The following NTRK2 variants were observed in gnomAD, a reference collection of about 807,000 sequenced individuals.
NTRK2 encodes the protein neurotrophic receptor tyrosine kinase 2, also known as BDNF/NT-3 growth factors receptor.
In NTRK2, 13 loss-of-function variants were observed where a neutral mutation model predicts 94.5. That is an observed-to-expected ratio of 0.14 (90% CI 0.09 to 0.22). The LOEUF (loss-of-function observed/expected upper bound fraction) is 0.22. Ranked by LOEUF, NTRK2 falls within the 10% of genes least tolerant of loss-of-function variation. The probability of loss-of-function intolerance (pLI) is 1.00; values close to 1 mark genes in which losing one functional copy is unlikely to be tolerated. For missense variants in NTRK2, 639 were observed against 1,071.2 expected, an observed-to-expected ratio of 0.60 and a Z score of 5.63; for synonymous variants, 372 against 407.4, an observed-to-expected ratio of 0.91 and a Z score of 1.05.
chr9:84,765,613 A>G (rs2065954468), intron 12 of NTRK2, among the ~76,000 whole-genome samples: 1 of 152,194 alleles, frequency 6.6e-6, no homozygotes. Flanking sequence ...TGTGAAACTA[A>G]GACTTGTAAG....
At chr9:84,895,811 C>T (rs935442243) in intron 14 of NTRK2, among the ~76,000 whole-genome samples, 6 of 152,162 alleles carry the variant, frequency 3.9e-5, no homozygotes, top group African/African-American at 1.4e-4. Context: ...TTGCTTGCTG[C>T]ATGGAGGGGG....
chr9:84,853,476 A>G (rs1469410366), intron 12 of NTRK2, among the ~76,000 whole-genome samples: 1 of 152,240 alleles, frequency 6.6e-6, no homozygotes, highest in Non-Finnish European at 1.5e-5. Context: ...AGAGCCACAA[A>G]TCAGGAGAGT....
intron 12 of NTRK2, among the ~76,000 whole-genome samples, chr9:84,847,151 T>A (rs1406679597): frequency 6.6e-6 from 1 of 152,232 alleles, no homozygotes; most frequent in Non-Finnish European, 1.5e-5. Flanking sequence ...AAGCCTTTTA[T>A]CCTGTCAAAC....
chr9:84,807,226 G>T (rs957336917), intron 12 of NTRK2, among the ~76,000 whole-genome samples: 1 of 152,200 alleles, frequency 6.6e-6, no homozygotes, highest in African/African-American at 2.4e-5. Flanking sequence ...ATGTGTGCAT[G>T]CTTGAATGTA....
intron 12 of NTRK2, among the ~76,000 whole-genome samples, chr9:84,780,826 T>TA (rs1222466936): frequency 6.6e-6 from 1 of 152,144 alleles, no homozygotes; most frequent in Non-Finnish European, 1.5e-5. Flanking sequence ...TAGGTGGATG[T>TA]TTTTTCCTCT....
chr9:84,853,714 C>T lies in NTRK2; in HGVS notation c.1397-7326C>T, dbSNP rs552348865. The stretch of plus-strand genomic sequence containing the variant: ...AATGCTGTTGGCGTCACCCCCTGCC[C>T]GTGTCCTCTCAGCTCTCACCACCCC... On this transcript the variant is annotated intron_variant, in intron 12 of 18. Transcript: ENST00000277120. Among the ~76,000 whole-genome samples the T allele has an allele frequency of 6.6e-5, 10 of 152,246 alleles. No homozygotes were observed. In the South Asian group the frequency reaches 1.2e-3, roughly 19 times the overall value.
chr9:84,892,273 A>C lies in NTRK2; in HGVS notation c.1633+24842A>C, dbSNP rs146104684. ...CCCAAGCAGTAGGTTCCACATAGGCAAAGTACAGAAAATATGCACTGCCCT... is the reference window on the plus strand; with the variant it reads ...CCCAAGCAGTAGGTTCCACATAGGCCAAGTACAGAAAATATGCACTGCCCT... On this transcript the variant is annotated intron_variant, in intron 14 of 18. Coordinates refer to ENST00000277120, the MANE Select transcript of NTRK2 (RefSeq NM_006180.6). Among the ~76,000 whole-genome samples, 3 of 152,318 alleles carry C rather than the reference A, an allele frequency of 2.0e-5. No individual in the cohort carries two copies. In the East Asian group the frequency reaches 5.8e-4, roughly 29 times the overall value.
At chr9:84,819,422 T>C (rs1279005335) in intron 12 of NTRK2, among the ~76,000 whole-genome samples, 3 of 152,216 alleles carry the variant, frequency 2.0e-5, no homozygotes, top group Non-Finnish European at 4.4e-5. Context: ...GGACACAGCC[T>C]CTGAGGGTGC....
rs180756601 is a variant in NTRK2 at position 85,009,103 on chromosome 9, T to C, written c.2173-11103T>C. Among the ~76,000 whole-genome samples the C allele has an allele frequency of 1.3e-3, 205 of 152,360 alleles. 1 individual carries two copies. Among genetic ancestry groups the C allele is most frequent in the African/African-American group, 4.8e-3 (200 of 41,588 alleles). On this transcript the variant is annotated intron_variant, in intron 17 of 18. Transcript: ENST00000277120. ...GACTTCAAAGCTCATTCACTTCTGC[T>C]TCCAGGCTTCTCCAACAGGAGTCTG...
chr9:85,002,427 G>A (rs1387326621), intron 17 of NTRK2, among the ~76,000 whole-genome samples: 1 of 152,160 alleles, frequency 6.6e-6, no homozygotes, highest in Non-Finnish European at 1.5e-5. Context: ...TCTCTTGGCG[G>A]CATTTTACTT....
At chr9:84,789,200 G>A (rs1243953224) in intron 12 of NTRK2, among the ~76,000 whole-genome samples, 1 of 152,128 alleles carries the variant, frequency 6.6e-6, no homozygotes, top group Non-Finnish European at 1.5e-5. Context: ...AGGCTAACAG[G>A]GACACACAGA....
At chr9:84,721,095 A>T (rs2062030012) in intron 6 of NTRK2, among the ~76,000 whole-genome samples, 1 of 152,182 alleles carries the variant, frequency 6.6e-6, no homozygotes, top group South Asian at 2.1e-4. Flanking sequence ...ATACCATTTT[A>T]AATTTGATGA....
intron 2 of NTRK2, among the ~76,000 whole-genome samples, chr9:84,684,944 C>T (rs1157081090): frequency 6.6e-6 from 1 of 151,864 alleles, no homozygotes; most frequent in East Asian, 1.9e-4. Context: ...TTCTCTTCCT[C>T]CTATTTTGTG....
intron 16 of NTRK2, among the ~76,000 whole-genome samples, chr9:84,954,503 C>A (rs530162736): frequency 1.3e-5 from 2 of 152,200 alleles, no homozygotes; most frequent in African/African-American, 2.4e-5. Context: ...AAAATTTTCC[C>A]CAGCAAAAGA....
chr9:84,706,159 A>G (rs2061045745), intron 4 of NTRK2, among the ~76,000 whole-genome samples: 1 of 152,136 alleles, frequency 6.6e-6, no homozygotes, highest in African/African-American at 2.4e-5. Context: ...TTCCTGGTGG[A>G]TTATTTTTCA....
intron 12 of NTRK2, among the ~76,000 whole-genome samples, chr9:84,829,377 GT>G (rs1403984998): frequency 6.6e-6 from 1 of 152,008 alleles, no homozygotes; most frequent in Non-Finnish European, 1.5e-5. Flanking sequence ...TTGTTTGTTT[GT>G]TTTTTGTTCT....
At chr9:84,935,548 C>G (rs1004970119) in intron 15 of NTRK2, among the ~76,000 whole-genome samples, 2 of 152,004 alleles carry the variant, frequency 1.3e-5, no homozygotes, top group African/African-American at 4.8e-5. Context: ...AAAGAACAGG[C>G]CTTCCTAGGA....
At chr9:84,814,874 C>T (rs201002711) in intron 12 of NTRK2, 7 of 1,062,796 alleles carry the variant, frequency 6.6e-6, no homozygotes, top group Non-Finnish European at 8.0e-6. Context: ...TGACTTGACT[C>T]CAAGGAAATT....
intron 12 of NTRK2, among the ~76,000 whole-genome samples, chr9:84,822,744 C>A (rs2072933135): frequency 6.6e-6 from 1 of 152,196 alleles, no homozygotes; most frequent in Admixed American, 6.5e-5. Flanking sequence ...CAGGAGGGTT[C>A]TGCCTTTATA....
Sources: allele counts gnomAD v4.1 joint callset (sites outside exome capture counted in the v4.1 genomes callset), GRCh38; gene constraint gnomAD v4.1.1; transcripts MANE v1.5; gene names NCBI Gene and HGNC (gene_info 2026-07-23, HGNC 2026-07-21).